Variants in FAM186B observed in about 807,000 individuals in gnomAD.
The protein encoded by FAM186B is protein FAM186B.
A neutral mutation model predicts 83.4 loss-of-function variants in FAM186B; 68 were observed. That is an observed-to-expected ratio of 0.81 (90% CI 0.67 to 1.00). The LOEUF (loss-of-function observed/expected upper bound fraction) is 1.00. FAM186B is among the 50% of genes least tolerant of loss of function. FAM186B has a pLI of 0.00. For missense variants in FAM186B, 983 were observed against 1,099.2 expected, an observed-to-expected ratio of 0.89 and a Z score of 1.49; for synonymous variants, 389 against 422.0, an observed-to-expected ratio of 0.92 and a Z score of 0.96.
chr12:49,596,318 C>CG (rs775814984), intron 5 of FAM186B, among the ~76,000 whole-genome samples: 20 of 128,258 alleles, frequency 1.6e-4, no homozygotes, highest in Non-Finnish European at 2.7e-4. Context: ...GTGAGACCCC[C>CG]GTCTCAAAAA....
chr12:49,617,781 T>C, the FAM186B span, among the ~76,000 whole-genome samples: 17 of 152,180 alleles, frequency 1.1e-4, no homozygotes, highest in Middle Eastern at 3.2e-3. Context: ...AAAACCCATG[T>C]AGCCAAGGGA....
downstream of FAM186B, chr12:49,583,393 C>T (rs142351589): frequency 6.0e-3 from 1,564 of 259,798 alleles, 53 homozygotes; most frequent in Admixed American, 0.065. Flanking sequence ...TTATTTAGAG[C>T]GATACATTTA....
chr12:49,605,832 C>T (rs1940008381), upstream of FAM186B, among the ~76,000 whole-genome samples: 1 of 142,802 alleles, frequency 7.0e-6, no homozygotes, highest in Admixed American at 7.3e-5. Context: ...TGATCTCGGT[C>T]ACTGCAACCT....
At chr12:49,588,041 C>A (rs1939489654) in intron 6 of FAM186B, among the ~76,000 whole-genome samples, 1 of 152,206 alleles carries the variant, frequency 6.6e-6, no homozygotes, top group South Asian at 2.1e-4. Context: ...AGGTGTGGAC[C>A]AGGGTCCTTT....
the FAM186B span, among the ~76,000 whole-genome samples, chr12:49,620,261 T>C: frequency 4.6e-5 from 7 of 152,324 alleles, no homozygotes; most frequent in Middle Eastern, 3.4e-3. Context: ...GTACTCCTAG[T>C]TTGCTGCAGA....
downstream of FAM186B, chr12:49,583,023 G>A (rs1174595899): frequency 2.2e-6 from 1 of 456,228 alleles, no homozygotes; most frequent in Admixed American, 2.3e-5. Context: ...TTGCCAGAGA[G>A]CTCGCTAGAG....
chr12:49,617,444 T>C, the FAM186B span, among the ~76,000 whole-genome samples: 1 of 152,110 alleles, frequency 6.6e-6, no homozygotes, highest in Non-Finnish European at 1.5e-5. Context: ...CTCAGGAGGC[T>C]GAGGTGGGAG....
chr12:49,601,767 G>C (rs1939900951), intron 3 of FAM186B, among the ~76,000 whole-genome samples: 1 of 151,960 alleles, frequency 6.6e-6, no homozygotes, highest in Non-Finnish European at 1.5e-5. Flanking sequence ...TTCAAAGGCT[G>C]GGTCACGGTG....
chr12:49,610,416 A>C (rs908366329), upstream of FAM186B, among the ~76,000 whole-genome samples: 4 of 152,258 alleles, frequency 2.6e-5, no homozygotes, highest in Admixed American at 2.6e-4. Flanking sequence ...GTTGAACATC[A>C]ACCTAAAGAA....
intron 3 of FAM186B, among the ~76,000 whole-genome samples, chr12:49,602,099 G>A (rs1428984866): frequency 6.6e-6 from 1 of 152,108 alleles, no homozygotes; most frequent in African/African-American, 2.4e-5. Flanking sequence ...GTGAAAAATG[G>A]GGATAATCAT....
chr12:49,588,537 G>C lies in FAM186B; in HGVS notation c.2451C>G (p.Pro817=), dbSNP rs1168304156. 5 of 1,613,158 alleles carry C rather than the reference G, an allele frequency of 3.1e-6. No homozygotes were observed. ...PKKCKLPAAS[P]RHIRPSGPTY... ...TGGGGCCACTGGGGCGGATGTGCCGGGGTGAGGCTGCAGGCAACTTGCATT... is the reference window on the plus strand; with the variant it reads ...TGGGGCCACTGGGGCGGATGTGCCGCGGTGAGGCTGCAGGCAACTTGCATT... The change falls in exon 6 of 7, where the codon CCC becomes CCG. Residue 817 remains proline, a synonymous_variant. Transcript: ENST00000257894.
chr12:49,600,241 T>G lies in FAM186B; in HGVS notation c.1399A>C (p.Ser467Arg). The change falls in exon 4 of 7, where the codon AGC becomes CGC. Residue 467 changes from serine to arginine, a missense_variant. Physicochemically the swap from Ser to Arg is moderately radical, Grantham distance 110 (BLOSUM62 -1). Coordinates refer to ENST00000257894, the MANE Select transcript of FAM186B (RefSeq NM_032130.3). This position sits in a 1 kb window ranked among gnomAD's most constrained non-coding sequence, Gnocchi z 4.3. ...FHCSKQLSLE[S>R]SRQVTSESQE... ...CTCTCAGAGGTCACCTGCCTGGAGC[T>G]CTCTAGAGACAGCTGCTTGCTACAG... 6.2e-7 allele frequency: 1 copy of G among 1,613,634 alleles called. No homozygotes were observed. The highest frequency in any genetic ancestry group is 8.5e-7 in the Non-Finnish European group (1 of 1,179,712).
chr12:49,615,340 C>A, the FAM186B span, among the ~76,000 whole-genome samples: 1 of 151,912 alleles, frequency 6.6e-6, no homozygotes, highest in Non-Finnish European at 1.5e-5. Context: ...TTAAAAACAA[C>A]AACAAAAGAA....
intron 3 of FAM186B, among the ~76,000 whole-genome samples, chr12:49,602,232 C>T (rs1388139108): frequency 6.6e-6 from 1 of 152,196 alleles, no homozygotes; most frequent in African/African-American, 2.4e-5. Flanking sequence ...CTTTACCATT[C>T]ATAAGTTTAT....
At chr12:49,596,395 T>G (rs1939727693) in intron 5 of FAM186B, among the ~76,000 whole-genome samples, 1 of 147,586 alleles carries the variant, frequency 6.8e-6, no homozygotes, top group South Asian at 2.2e-4. Flanking sequence ...ACATAGGTAC[T>G]CTGGGCCACT....
chr12:49,587,239 C>G (rs1592541582), downstream of FAM186B, among the ~76,000 whole-genome samples: 1 of 152,216 alleles, frequency 6.6e-6, no homozygotes, highest in South Asian at 2.1e-4. Flanking sequence ...TCAGGCAGTC[C>G]AAGGGCTCCC....
At chr12:49,602,365 A>T (rs950065390) in intron 3 of FAM186B, among the ~76,000 whole-genome samples, 1 of 152,136 alleles carries the variant, frequency 6.6e-6, no homozygotes, top group Admixed American at 6.5e-5. Flanking sequence ...ACCTTACTTG[A>T]TTGATAATGA....
chr12:49,599,620 G>T lies in FAM186B; in HGVS notation c.2020C>A (p.Gln674Lys). ...AACTCAGACTCCTCACTCAGGAGCT[G>T]CAGGTTCTTCCTCTGGGCCTCCATG... ...MDMEAQRKNL[Q>K]LLSEESELRL... The change falls in exon 4 of 7, where the codon CAG becomes AAG. Residue 674 changes from glutamine (Q) to lysine (K), a missense_variant. Coordinates refer to ENST00000257894, the MANE Select transcript of FAM186B (RefSeq NM_032130.3). The T allele has an allele frequency of 6.2e-7, 1 of 1,610,582 alleles. No individual in the cohort carries two copies. Among genetic ancestry groups the T allele is most frequent in the Non-Finnish European group, 8.5e-7 (1 of 1,178,208 alleles).
At chr12:49,608,932 G>A (rs1940059357), upstream of FAM186B, among the ~76,000 whole-genome samples, 1 of 152,102 alleles carries the variant, frequency 6.6e-6, no homozygotes, top group African/African-American at 2.4e-5. Context: ...CATTTCCCAG[G>A]CCCAGGATGC....
Sources: allele counts gnomAD v4.1 joint callset (sites outside exome capture counted in the v4.1 genomes callset), GRCh38; gene constraint gnomAD v4.1.1; non-coding constraint Gnocchi (gnomAD v3.1); transcripts MANE v1.5; gene names NCBI Gene and HGNC (gene_info 2026-07-23, HGNC 2026-07-21).